The following INPP4B variants were observed in gnomAD, a reference collection of about 807,000 sequenced individuals.
INPP4B encodes the protein inositol polyphosphate-4-phosphatase type II B.
A neutral mutation model predicts 122.5 loss-of-function variants in INPP4B; 55 were observed. That is an observed-to-expected ratio of 0.45 (90% CI 0.36 to 0.56). The LOEUF is 0.56. Ranked by LOEUF, INPP4B falls within the 20% of genes least tolerant of loss-of-function variation. The pLI is 0.00. For synonymous variants in INPP4B, 403 were observed against 388.7 expected, an observed-to-expected ratio of 1.04 and a Z score of -0.43; for missense variants, 1,000 against 1,097.7, an observed-to-expected ratio of 0.91 and a Z score of 1.26.
At chr4:142,561,417 T>G (rs2150121120) in intron 2 of INPP4B, among the ~76,000 whole-genome samples, 1 of 152,142 alleles carries the variant, frequency 6.6e-6, no homozygotes, top group African/African-American at 2.4e-5. Context: ...TTTTTTTGTT[T>G]GTTTGTTTGT....
rs192187814 is a variant in INPP4B at position 142,396,847 on chromosome 4, T to C, written c.372+6091A>G. 4.5e-3 allele frequency among the ~76,000 whole-genome samples: 684 copies of C among 151,748 alleles called. 5 individuals carry two copies. The highest frequency in any genetic ancestry group is 0.016 in the African/African-American group (669 of 41,390). ...GAAGAAAAGATACTAGATGTAACAG[T>C]GCAAAACTATAAGATTTCATTCATA... On this transcript the variant is annotated intron_variant, in intron 7 of 25. Transcript: ENST00000262992.
At chr4:142,184,638 GA>G (rs1398150070) in intron 15 of INPP4B, among the ~76,000 whole-genome samples, 1 of 152,154 alleles carries the variant, frequency 6.6e-6, no homozygotes, top group Non-Finnish European at 1.5e-5. Flanking sequence ...TGGTAAACTG[GA>G]CAGACATGTT....
At chr4:142,552,368 C>T (rs752713961) in intron 2 of INPP4B, among the ~76,000 whole-genome samples, 7 of 151,702 alleles carry the variant, frequency 4.6e-5, no homozygotes, top group South Asian at 2.1e-4. Context: ...TAATATAGAA[C>T]CTTGAAGTTT....
chr4:142,077,847 A>G (rs983729853), intron 25 of INPP4B, among the ~76,000 whole-genome samples: 1 of 151,996 alleles, frequency 6.6e-6, no homozygotes, highest in African/African-American at 2.4e-5. Flanking sequence ...ATTAAAATCA[A>G]TTACGGATTT....
intron 2 of INPP4B, among the ~76,000 whole-genome samples, chr4:142,703,884 T>G (rs557021834): frequency 2.6e-5 from 4 of 152,276 alleles, no homozygotes; most frequent in Non-Finnish European, 4.4e-5. Flanking sequence ...AGCTCCACCA[T>G]TTGGTGCACC....
At chr4:142,232,726 C>T (rs1202794222) in intron 12 of INPP4B, among the ~76,000 whole-genome samples, 27 of 152,028 alleles carry the variant, frequency 1.8e-4, no homozygotes, top group Non-Finnish European at 2.9e-5. Context: ...AAAGTTAGGC[C>T]TCTTGTGCCA....
chr4:142,785,221 G>T (rs1775587590), intron 1 of INPP4B, among the ~76,000 whole-genome samples: 2 of 151,910 alleles, frequency 1.3e-5, no homozygotes, highest in African/African-American at 4.8e-5. Flanking sequence ...TTCCTTGTCA[G>T]AAAAACATAA....
At chr4:142,240,002 T>C (rs1056349818) in intron 11 of INPP4B, among the ~76,000 whole-genome samples, 35 of 152,012 alleles carry the variant, frequency 2.3e-4, no homozygotes, top group African/African-American at 7.5e-4. Flanking sequence ...TTTAATTATG[T>C]CACAAAATAT....
At chr4:142,681,411 C>A (rs779595732) in intron 2 of INPP4B, among the ~76,000 whole-genome samples, 6 of 151,794 alleles carry the variant, frequency 4.0e-5, no homozygotes, top group Non-Finnish European at 8.8e-5. Flanking sequence ...TAGAGAAGAG[C>A]CCACTGAACC....
chr4:142,105,384 A>G (rs867241586), intron 23 of INPP4B, among the ~76,000 whole-genome samples: 1 of 152,212 alleles, frequency 6.6e-6, no homozygotes, highest in Non-Finnish European at 1.5e-5. Context: ...TAAAACTGGT[A>G]GTAGTTACTG....
At chr4:142,545,479 T>A (rs1829438365) in intron 2 of INPP4B, among the ~76,000 whole-genome samples, 1 of 152,032 alleles carries the variant, frequency 6.6e-6, no homozygotes, top group Non-Finnish European at 1.5e-5. Context: ...ACTCAACCAA[T>A]ATCTATGATA....
chr4:142,597,127 T>C (rs891135283), intron 2 of INPP4B, among the ~76,000 whole-genome samples: 3 of 152,200 alleles, frequency 2.0e-5, no homozygotes, highest in African/African-American at 7.2e-5. Context: ...TTGCCCAGAT[T>C]TTCCCAAATA....
chr4:142,311,915 G>A (rs999979873), intron 8 of INPP4B, among the ~76,000 whole-genome samples: 4 of 152,192 alleles, frequency 2.6e-5, no homozygotes, highest in Non-Finnish European at 5.9e-5. Flanking sequence ...CCAGGAAGAT[G>A]GATAGAGTCT....
At chr4:142,139,643 C>G (rs1806694921) in intron 18 of INPP4B, among the ~76,000 whole-genome samples, 1 of 152,034 alleles carries the variant, frequency 6.6e-6, no homozygotes, top group Non-Finnish European at 1.5e-5. Flanking sequence ...AGATAGATAG[C>G]TAATCTAGGG....
intron 18 of INPP4B, among the ~76,000 whole-genome samples, chr4:142,140,717 T>C (rs142681899): frequency 1.3e-5 from 2 of 152,304 alleles, no homozygotes; most frequent in African/African-American, 4.8e-5. Context: ...TTTAATCTTC[T>C]CATGCCCCCA....
At chr4:142,067,289 C>T (rs1764054274) in intron 25 of INPP4B, among the ~76,000 whole-genome samples, 1 of 152,192 alleles carries the variant, frequency 6.6e-6, no homozygotes, top group Admixed American at 6.5e-5. Flanking sequence ...AACTAACAAA[C>T]AGAAAGCACA....
intron 15 of INPP4B, among the ~76,000 whole-genome samples, chr4:142,191,671 G>A (rs1383503002): frequency 2.6e-5 from 4 of 152,160 alleles, no homozygotes; most frequent in Non-Finnish European, 5.9e-5. Flanking sequence ...ATATTAATGG[G>A]TAACCTGAGG....
At chr4:142,486,996 G>T (rs755209642) in intron 2 of INPP4B, among the ~76,000 whole-genome samples, 2 of 152,108 alleles carry the variant, frequency 1.3e-5, no homozygotes, top group Admixed American at 1.3e-4. Context: ...ATCTCATCTT[G>T]TAGCTCCCAT....
At chr4:142,438,728 C>A (rs1811069779) in intron 3 of INPP4B, among the ~76,000 whole-genome samples, 1 of 152,014 alleles carries the variant, frequency 6.6e-6, no homozygotes. Context: ...TTCTGCACAG[C>A]AAAACAACAA....
Sources: allele counts gnomAD v4.1 joint callset (sites outside exome capture counted in the v4.1 genomes callset), GRCh38; gene constraint gnomAD v4.1.1; transcripts MANE v1.5; gene names NCBI Gene and HGNC (gene_info 2026-07-23, HGNC 2026-07-21).